The following THSD7B variants were observed in gnomAD, a reference collection of about 807,000 sequenced individuals.
THSD7B encodes thrombospondin type-1 domain-containing protein 7B.
In THSD7B, 138 loss-of-function variants were observed where a neutral mutation model predicts 213.6. The observed-to-expected ratio is 0.65, with a 90% CI of 0.56 to 0.74. The LOEUF (loss-of-function observed/expected upper bound fraction) is 0.74. Ranked by LOEUF, THSD7B falls within the 30% of genes least tolerant of loss-of-function variation. The pLI, the probability that THSD7B is intolerant of heterozygous loss-of-function variation, is 0.00. For synonymous variants in THSD7B, 742 were observed against 687.0 expected (o/e 1.08, Z -1.25); for missense variants, 1,931 against 1,991.5 (o/e 0.97, Z 0.58).
intron 1 of THSD7B, among the ~76,000 whole-genome samples, chr2:136,802,639 T>TTATATATATATA (rs56719114): frequency 0.011 from 656 of 57,254 alleles, 83 homozygotes; most frequent in East Asian, 0.017. Flanking sequence ...TGAATTAAGT[T>TTATATATATATA]TATATATATA....
At chr2:137,595,732 A>G (rs1369807370) in intron 17 of THSD7B, among the ~76,000 whole-genome samples, 3 of 151,964 alleles carry the variant, frequency 2.0e-5, no homozygotes, top group Non-Finnish European at 4.4e-5. Flanking sequence ...ATATGTACAC[A>G]TTCCACATGA....
chr2:136,977,077 G>A (rs1030852102), intron 2 of THSD7B, among the ~76,000 whole-genome samples: 11 of 152,184 alleles, frequency 7.2e-5, no homozygotes, highest in African/African-American at 2.6e-4. Context: ...ATAGAATTTA[G>A]CTGTAAATCT....
chr2:137,512,044 T>C (rs1301818781), intron 15 of THSD7B: 1 of 152,184 alleles, frequency 6.6e-6, no homozygotes, highest in Admixed American at 6.5e-5. Context: ...ACAAACAATG[T>C]TCAAATTGTT....
intron 2 of THSD7B, among the ~76,000 whole-genome samples, chr2:136,979,485 C>T (rs983916044): frequency 6.6e-6 from 1 of 152,032 alleles, no homozygotes; most frequent in Non-Finnish European, 1.5e-5. Context: ...GGGTTTTGTT[C>T]ATTTCTTTTT....
chr2:137,258,879 C>G (rs2105080476), intron 10 of THSD7B, among the ~76,000 whole-genome samples: 1 of 152,090 alleles, frequency 6.6e-6, no homozygotes, highest in African/African-American at 2.4e-5. Flanking sequence ...TGTTCCCTCC[C>G]CTGTGTCCAT....
At chr2:136,861,243 C>G (rs190012956) in intron 1 of THSD7B, among the ~76,000 whole-genome samples, 406 of 152,292 alleles carry the variant, frequency 2.7e-3, no homozygotes, top group Admixed American at 5.5e-3. Context: ...GCAAAAGTCT[C>G]ATTTTAGGGT....
intron 6 of THSD7B, among the ~76,000 whole-genome samples, chr2:137,166,374 C>G (rs1680129283): frequency 6.6e-6 from 1 of 152,102 alleles, no homozygotes; most frequent in Admixed American, 6.5e-5. Flanking sequence ...AGATGTGATA[C>G]ATTTTAAAAT....
In THSD7B at chr2:137,677,140, A is replaced by T. The variant is rs1683721677; in HGVS notation, c.*535A>T. ...CACAGAGAGAATGGATTACCATTTC[A>T]GAAATTCTCTGAGTTTTTAACCTTT... is the stretch of plus-strand genomic sequence containing the variant. On this transcript the variant is annotated 3_prime_UTR_variant, in exon 28 of 28. Coordinates refer to ENST00000409968, the MANE Select transcript of THSD7B (RefSeq NM_001316349.2). The T allele has an allele frequency of 1.3e-5, 2 of 152,670 alleles. No homozygotes were observed. The allele number at this position is 152,670 out of a possible 1,614,324, so 9.5% of individuals were successfully genotyped here. A position where few individuals can be genotyped will look rare whatever the true frequency, so the allele number is the denominator to read the frequency against.
At chr2:137,272,482 C>T (rs2104806807) in intron 10 of THSD7B, 51 bp from the exon 11 acceptor site, 5 of 1,520,102 alleles carry the variant, frequency 3.3e-6, no homozygotes, top group Non-Finnish European at 3.5e-6. Context: ...GGATTTTGAT[C>T]TGCATCAACA....
At chr2:137,107,115 C>T (rs1688269579) in intron 4 of THSD7B, among the ~76,000 whole-genome samples, 1 of 152,108 alleles carries the variant, frequency 6.6e-6, no homozygotes, top group Non-Finnish European at 1.5e-5. Flanking sequence ...AGCACATTCA[C>T]AATAACAAAG....
chr2:137,355,862 G>T (rs1189812520), intron 12 of THSD7B, among the ~76,000 whole-genome samples: 1 of 152,170 alleles, frequency 6.6e-6, no homozygotes, highest in African/African-American at 2.4e-5. Context: ...TTGACACATA[G>T]TGAGCGCTCT....
intron 5 of THSD7B, among the ~76,000 whole-genome samples, chr2:137,156,648 C>T (rs1271045561): frequency 6.6e-5 from 10 of 152,148 alleles, no homozygotes; most frequent in Admixed American, 6.6e-4. Flanking sequence ...AAAAATAAGC[C>T]ACATAAGCAT....
chr2:136,976,116 A>C (rs1685477147), intron 2 of THSD7B, among the ~76,000 whole-genome samples: 1 of 152,232 alleles, frequency 6.6e-6, no homozygotes, highest in Non-Finnish European at 1.5e-5. Context: ...AGATCATGTC[A>C]TCTGCAAACA....
intron 10 of THSD7B, among the ~76,000 whole-genome samples, chr2:137,243,080 T>C (rs1681950178): frequency 6.6e-6 from 1 of 152,234 alleles, no homozygotes; most frequent in South Asian, 2.1e-4. Context: ...TTATTCTTAA[T>C]GGTGATACTT....
intron 14 of THSD7B, among the ~76,000 whole-genome samples, chr2:137,446,988 TC>T (rs1558799809): frequency 6.6e-6 from 1 of 152,108 alleles, no homozygotes. Context: ...GTAAAACTTA[TC>T]CATTCGAATA....
intron 1 of THSD7B, among the ~76,000 whole-genome samples, chr2:136,818,299 A>G (rs911081872): frequency 7.3e-6 from 1 of 136,238 alleles, no homozygotes; most frequent in Non-Finnish European, 1.6e-5. Flanking sequence ...TCGCAAGAAC[A>G]AAAAACCAAA....
intron 2 of THSD7B, among the ~76,000 whole-genome samples, chr2:136,953,072 G>T (rs931013137): frequency 1.3e-5 from 2 of 152,082 alleles, no homozygotes; most frequent in African/African-American, 4.8e-5. Flanking sequence ...AACAGGGCAA[G>T]ATATTTTATT....
intron 5 of THSD7B, among the ~76,000 whole-genome samples, chr2:137,132,103 G>A (rs1453914374): frequency 6.7e-6 from 1 of 149,614 alleles, no homozygotes; most frequent in African/African-American, 2.4e-5. Context: ...CACATCCCTT[G>A]TAAGTTGGAT....
intron 2 of THSD7B, among the ~76,000 whole-genome samples, chr2:137,036,358 C>A (rs866465003): frequency 1.3e-5 from 2 of 152,088 alleles, no homozygotes; most frequent in Non-Finnish European, 2.9e-5. Context: ...ACCAACATGG[C>A]AAATAGAATA....
Sources: allele counts gnomAD v4.1 joint callset (sites outside exome capture counted in the v4.1 genomes callset), GRCh38; gene constraint gnomAD v4.1.1; transcripts MANE v1.5; gene names NCBI Gene and HGNC (gene_info 2026-07-23, HGNC 2026-07-21).